The following PRKN variants were observed in gnomAD, a reference collection of about 807,000 sequenced individuals.
PRKN encodes the protein E3 ubiquitin-protein ligase parkin.
PRKN carries 56 observed loss-of-function variants against 59.5 expected under a neutral mutation model. That is an observed-to-expected ratio of 0.94 (90% CI 0.76 to 1.18). The LOEUF is 1.18. PRKN is among the 50% of genes most tolerant of loss of function. The pLI, the probability that PRKN is intolerant of heterozygous loss-of-function variation, is 0.00. For synonymous variants in PRKN, 250 were observed against 222.1 expected (o/e 1.13, Z -1.12); for missense variants, 657 against 596.4 (o/e 1.10, Z -1.06).
At chr6:162,656,110 C>T (rs1954912) in intron 1 of PRKN, among the ~76,000 whole-genome samples, 139,534 of 152,238 alleles carry the variant, frequency 0.92, 64,105 homozygotes, top group Admixed American at 0.97. Context: ...CAAAGTAGAG[C>T]GTACATTTAC....
At chr6:161,736,304 G>A (rs990528731) in intron 7 of PRKN, among the ~76,000 whole-genome samples, 2 of 152,164 alleles carry the variant, frequency 1.3e-5, no homozygotes, top group Non-Finnish European at 2.9e-5. Flanking sequence ...TATACTCTTG[G>A]CAAATTATGT....
intron 5 of PRKN, among the ~76,000 whole-genome samples, chr6:162,006,856 G>T (rs907700489): frequency 7.2e-5 from 11 of 151,996 alleles, no homozygotes; most frequent in African/African-American, 2.7e-4. Context: ...TTGACATACT[G>T]CGCCCAATGA....
chr6:162,719,894 C>CAA (rs56395129), intron 1 of PRKN, among the ~76,000 whole-genome samples: 4 of 144,042 alleles, frequency 2.8e-5, no homozygotes, highest in African/African-American at 2.5e-5. Context: ...AGGTAGATGT[C>CAA]AAAAAAAAAA....
At chr6:162,077,611 T>A (rs1160065056) in intron 4 of PRKN, among the ~76,000 whole-genome samples, 1 of 152,068 alleles carries the variant, frequency 6.6e-6, no homozygotes, top group Non-Finnish European at 1.5e-5. Context: ...ACTACTAATT[T>A]TATCTATTCC....
In PRKN at chr6:161,462,419, G is replaced by A. The variant is rs911918838; in HGVS notation, c.1084-75542C>T. ...TGGTATTCAGTTAATACTGTAGAAC[G>A]TGCTCTTCCATTACCTTGAAGCTAA... On this transcript the variant is annotated intron_variant, in intron 9 of 11. Transcript: ENST00000366898. The surrounding 1 kb of genome is among the most constrained non-coding windows in gnomAD (Gnocchi z 4.5). 2.0e-5 allele frequency among the ~76,000 whole-genome samples: 3 copies of A among 152,108 alleles called. No individual in the cohort carries two copies. Among genetic ancestry groups the A allele is most frequent in the Admixed American group, 1.3e-4 (2 of 15,274 alleles).
At chr6:162,500,822 T>C (rs1171801439) in intron 1 of PRKN, among the ~76,000 whole-genome samples, 1 of 152,138 alleles carries the variant, frequency 6.6e-6, no homozygotes, top group Non-Finnish European at 1.5e-5. Flanking sequence ...TTTCTCTAGG[T>C]ATATTTAATA....
intron 9 of PRKN, among the ~76,000 whole-genome samples, chr6:161,528,389 G>C (rs1779087493): frequency 6.6e-6 from 1 of 152,144 alleles, no homozygotes; most frequent in African/African-American, 2.4e-5. Flanking sequence ...TGAAGGAAAG[G>C]TGATGCCTTA....
intron 1 of PRKN, among the ~76,000 whole-genome samples, chr6:162,450,309 G>A (rs1232229179): frequency 9.0e-6 from 1 of 111,024 alleles, no homozygotes; most frequent in African/African-American, 6.9e-5. Context: ...CTGTGAATAT[G>A]AACGCCCGTG....
chr6:161,507,172 G>T (rs1778205124), intron 9 of PRKN, among the ~76,000 whole-genome samples: 1 of 152,200 alleles, frequency 6.6e-6, no homozygotes, highest in African/African-American at 2.4e-5. Flanking sequence ...TTGGACACCT[G>T]CCAAGGAAGG....
rs182296841 is a variant in PRKN, at chr6:161,540,075, G to C, written c.1083+8779C>G. The stretch of plus-strand genomic sequence containing the variant: ...GGGAGATGCAAGCTGCCTGTCTGGT[G>C]GGGGGCCGCCAGGTCTGCCCCAGCT... On this transcript the variant is annotated intron_variant, in intron 9 of 11. Transcript: ENST00000366898. Among the ~76,000 whole-genome samples the C allele has an allele frequency of 1.5e-4, 23 of 152,248 alleles. No individual in the cohort carries two copies. In the East Asian group the frequency reaches 4.4e-3, roughly 29 times the overall value.
At chr6:161,732,820 G>C (rs1056738867) in intron 7 of PRKN, among the ~76,000 whole-genome samples, 1 of 152,188 alleles carries the variant, frequency 6.6e-6, no homozygotes, top group Non-Finnish European at 1.5e-5. Flanking sequence ...GCATTGTCTC[G>C]ATGACCTGGT....
chr6:161,945,399 T>C (rs750879098), intron 6 of PRKN, among the ~76,000 whole-genome samples: 4 of 152,152 alleles, frequency 2.6e-5, no homozygotes, highest in African/African-American at 9.7e-5. Flanking sequence ...AGTACAGTGG[T>C]CTTCTATCCG....
At chr6:162,001,973 T>C (rs1782076965) in intron 5 of PRKN, among the ~76,000 whole-genome samples, 3 of 151,874 alleles carry the variant, frequency 2.0e-5, no homozygotes. Context: ...ATTATATTAA[T>C]TGATTTTCAA....
At chr6:161,427,149 G>A (rs201675908) in intron 9 of PRKN, among the ~76,000 whole-genome samples, 2 of 152,100 alleles carry the variant, frequency 1.3e-5, no homozygotes, top group African/African-American at 2.4e-5. Context: ...CTCCCTGGTA[G>A]CTGGGACTAC....
chr6:161,570,824 G>T (rs1320795602), intron 7 of PRKN, among the ~76,000 whole-genome samples: 1 of 152,128 alleles, frequency 6.6e-6, no homozygotes, highest in East Asian at 1.9e-4. Context: ...CACATTGTTC[G>T]AGGCCCAAAT....
intron 5 of PRKN, among the ~76,000 whole-genome samples, chr6:161,985,785 C>T (rs1336947455): frequency 6.6e-6 from 1 of 152,130 alleles, no homozygotes; most frequent in Non-Finnish European, 1.5e-5. Context: ...CTCACCTGCC[C>T]ACCTCTCCCT....
chr6:162,120,527 C>T (rs1400009241), intron 4 of PRKN, among the ~76,000 whole-genome samples: 1 of 152,164 alleles, frequency 6.6e-6, no homozygotes, highest in Non-Finnish European at 1.5e-5. Context: ...ACTAAAACTC[C>T]ATGTTGGTCA....
intron 2 of PRKN, among the ~76,000 whole-genome samples, chr6:162,268,182 C>T (rs1387923294): frequency 1.3e-5 from 2 of 152,128 alleles, no homozygotes; most frequent in African/African-American, 4.8e-5. Context: ...ATAACTATCA[C>T]CATCTGCTAT....
At chr6:161,978,959 A>T (rs1206482966) in intron 5 of PRKN, among the ~76,000 whole-genome samples, 1 of 152,150 alleles carries the variant, frequency 6.6e-6, no homozygotes, top group Admixed American at 6.5e-5. Flanking sequence ...ACGGCGGGTA[A>T]ACTGAGTCTC....
Sources: allele counts gnomAD v4.1 joint callset (sites outside exome capture counted in the v4.1 genomes callset), GRCh38; gene constraint gnomAD v4.1.1; non-coding constraint Gnocchi (gnomAD v3.1); transcripts MANE v1.5; gene names NCBI Gene and HGNC (gene_info 2026-07-23, HGNC 2026-07-21).